The following SEZ6L variants were observed in gnomAD, a reference collection of about 807,000 sequenced individuals.
SEZ6L encodes the protein seizure related 6 homolog like.
SEZ6L carries 37 observed loss-of-function variants against 106.2 expected under a neutral mutation model. That is an observed-to-expected ratio of 0.35 (90% CI 0.27 to 0.46). The LOEUF (loss-of-function observed/expected upper bound fraction) is 0.46. Ranked by LOEUF, SEZ6L falls within the 20% of genes least tolerant of loss-of-function variation. The probability of loss-of-function intolerance (pLI) is 1.00; values close to 1 mark genes in which losing one functional copy is unlikely to be tolerated. For missense variants in SEZ6L, 1,172 were observed against 1,332.8 expected (o/e 0.88, Z 1.88); for synonymous variants, 541 against 570.4 (o/e 0.95, Z 0.73).
chr22:26,327,260 C>A (rs62225713), intron 9 of SEZ6L, among the ~76,000 whole-genome samples: 147,143 of 147,740 alleles, frequency 1, 73,273 homozygotes, highest in East Asian at 1. Context: ...CACACACCCT[C>A]ACACACACCA....
chr22:26,255,145 T>C (rs1237873052), intron 1 of SEZ6L, among the ~76,000 whole-genome samples: 1 of 152,164 alleles, frequency 6.6e-6, no homozygotes, highest in Admixed American at 6.5e-5. Flanking sequence ...TTACATGCAA[T>C]TTGATGGATT....
At chr22:26,335,540 A>G (rs2082619419) in intron 9 of SEZ6L, among the ~76,000 whole-genome samples, 1 of 152,108 alleles carries the variant, frequency 6.6e-6, no homozygotes, top group Non-Finnish European at 1.5e-5. Flanking sequence ...CTTTAATAGG[A>G]TATTAAATGT....
At chr22:26,337,793 A>G (rs1324882749) in intron 9 of SEZ6L, among the ~76,000 whole-genome samples, 1 of 152,318 alleles carries the variant, frequency 6.6e-6, no homozygotes, top group East Asian at 1.9e-4. Flanking sequence ...GGAGTAGCAT[A>G]GGGGAAACTG....
chr22:26,269,296 AAATC>A (rs1039295740), intron 1 of SEZ6L, among the ~76,000 whole-genome samples: 5 of 152,112 alleles, frequency 3.3e-5, no homozygotes, highest in African/African-American at 1.2e-4. Flanking sequence ...TGCCTTTTAA[AAATC>A]ATCCCTGGAG....
intron 1 of SEZ6L, among the ~76,000 whole-genome samples, chr22:26,274,060 T>A (rs2080459853): frequency 6.6e-6 from 1 of 152,190 alleles, no homozygotes; most frequent in Non-Finnish European, 1.5e-5. Flanking sequence ...ACACGAGATC[T>A]GGAAGGGTTA....
chr22:26,316,923 A>AAAAG lies in SEZ6L; in HGVS notation c.2015+3033_2015+3036dup, dbSNP rs796245709. On this transcript the variant is annotated intron_variant, in intron 9 of 16. Transcript: ENST00000248933. ...GAAAGAAGAAAGAAAGAAAGAAAGAAAAAGAAAGAAAGAAAAGAAAGAAAG... is the reference window on the plus strand; with the variant it reads ...GAAAGAAGAAAGAAAGAAAGAAAGAAAAAGAAAGAAAGAAAGAAAAGAAAGAAAG... Among the ~76,000 whole-genome samples, 576 of 149,914 alleles carry AAAAG rather than the reference A, an allele frequency of 3.8e-3. 6 individuals carry two copies. The East Asian group carries it at 0.04, about 10-fold the overall frequency.
intron 1 of SEZ6L, among the ~76,000 whole-genome samples, chr22:26,224,363 T>A (rs1323044823): frequency 6.6e-6 from 1 of 152,208 alleles, no homozygotes; most frequent in East Asian, 1.9e-4. Flanking sequence ...GCTCAGCTTC[T>A]GTTCTCTATT....
At chr22:26,214,199 T>C (rs1397336786) in intron 1 of SEZ6L, among the ~76,000 whole-genome samples, 1 of 152,128 alleles carries the variant, frequency 6.6e-6, no homozygotes, top group Non-Finnish European at 1.5e-5. Context: ...AAAAAGGCAT[T>C]GGGATAAATT....
chr22:26,224,944 A>G (rs1425008529), intron 1 of SEZ6L, among the ~76,000 whole-genome samples: 2 of 152,204 alleles, frequency 1.3e-5, no homozygotes, highest in African/African-American at 4.8e-5. Flanking sequence ...AATCTGTTTT[A>G]GATGTGCCAC....
intron 1 of SEZ6L, among the ~76,000 whole-genome samples, chr22:26,278,296 A>G (rs1010669587): frequency 6.6e-6 from 1 of 152,216 alleles, no homozygotes; most frequent in African/African-American, 2.4e-5. Flanking sequence ...TTCTTTAAAA[A>G]TTTAATTTTA....
chr22:26,197,302 C>T (rs773155449), intron 1 of SEZ6L, among the ~76,000 whole-genome samples: 2 of 152,204 alleles, frequency 1.3e-5, no homozygotes, highest in Non-Finnish European at 2.9e-5. Context: ...TCCATAAATG[C>T]TCATTGAAAA....
At chr22:26,323,775 TTGA>T (rs149299221) in intron 9 of SEZ6L, among the ~76,000 whole-genome samples, 26 of 151,722 alleles carry the variant, frequency 1.7e-4, no homozygotes, top group African/African-American at 3.6e-4. Flanking sequence ...CATTATCTCA[TTGA>T]TGATGATGAT....
intron 1 of SEZ6L, among the ~76,000 whole-genome samples, chr22:26,203,939 C>CAA (rs1941141222): frequency 6.6e-6 from 1 of 152,136 alleles, no homozygotes; most frequent in Non-Finnish European, 1.5e-5. Context: ...ATTTGCCCTA[C>CAA]ATTTGATGAG....
intron 1 of SEZ6L, among the ~76,000 whole-genome samples, chr22:26,207,021 T>A (rs1349782642): frequency 6.6e-6 from 1 of 152,226 alleles, no homozygotes; most frequent in Admixed American, 6.5e-5. Flanking sequence ...TTAATGCATC[T>A]AAAATTTTGT....
At chr22:26,372,155 A>T (rs1000569365) in intron 13 of SEZ6L, among the ~76,000 whole-genome samples, 1 of 152,148 alleles carries the variant, frequency 6.6e-6, no homozygotes, top group African/African-American at 2.4e-5. Context: ...CAGTGAGCCC[A>T]CTGGATGCAT....
chr22:26,292,196 G>A (rs897362427), intron 1 of SEZ6L: 1 of 498,352 alleles, frequency 2.0e-6, no homozygotes, highest in East Asian at 3.2e-5. Flanking sequence ...GGGAGGGTGG[G>A]AGGAAAAGAA....
intron 1 of SEZ6L, among the ~76,000 whole-genome samples, chr22:26,258,133 A>G (rs1300836213): frequency 6.6e-6 from 1 of 152,134 alleles, no homozygotes; most frequent in Non-Finnish European, 1.5e-5. Flanking sequence ...GTGGAGAGCT[A>G]TGGAGGAGAG....
chr22:26,216,741 T>C (rs1362848895), intron 1 of SEZ6L, among the ~76,000 whole-genome samples: 1 of 152,136 alleles, frequency 6.6e-6, no homozygotes, highest in Non-Finnish European at 1.5e-5. Flanking sequence ...TAAAACCAAT[T>C]TGGCAATCAT....
Position 26,380,556 on chromosome 22 carries a change from T to TGGCAAACCGCGGCAGCAAAAACACAAAAC in SEZ6L, c.*262_*290dup. 1 of 403,790 alleles carries TGGCAAACCGCGGCAGCAAAAACACAAAAC rather than the reference T, an allele frequency of 2.5e-6. No homozygotes were observed. Among genetic ancestry groups the TGGCAAACCGCGGCAGCAAAAACACAAAAC allele is most frequent in the South Asian group, 6.1e-5 (1 of 16,482 alleles). The allele number at this position is 403,790 out of a possible 1,614,324, so 25.0% of individuals were successfully genotyped here. On this transcript the variant is annotated 3_prime_UTR_variant, in exon 17 of 17. Transcript: ENST00000248933. ...GAAGGCAGGTGGAAGACTTGCAAAA[T>TGGCAAACCGCGGCAGCAAAAACACAAAAC]GGCAAACCGCGGCAGCAAAAACACA...
Sources: gnomAD v4.1 joint callset for allele counts (sites outside exome capture counted in the v4.1 genomes callset) on GRCh38, gnomAD v4.1.1 for gene constraint, MANE v1.5 for transcripts, NCBI Gene and HGNC (gene_info 2026-07-23, HGNC 2026-07-21) for gene names.